Variants in SLCO3A1 observed in about 807,000 individuals in gnomAD.
SLCO3A1 encodes solute carrier organic anion transporter family member 3A1, also known as PGE1 transporter.
In SLCO3A1, 27 loss-of-function variants were observed where a neutral mutation model predicts 63.1. The observed-to-expected ratio is 0.43, with a 90% confidence interval of 0.32 to 0.59. The LOEUF is 0.59. Among genes scored for constraint, SLCO3A1 ranks in the 20% least tolerant of loss-of-function variants. The probability of loss-of-function intolerance (pLI) is 0.09; values close to 1 mark genes in which losing one functional copy is unlikely to be tolerated. For synonymous variants in SLCO3A1, 473 were observed against 409.9 expected (o/e 1.15, Z -1.86); for missense variants, 773 against 945.8 (o/e 0.82, Z 2.40).
At position 92,163,023 on chromosome 15, in the gene SLCO3A1, C is replaced by G; in HGVS notation, c.2021C>G (p.Thr674Ser). ...AGTGAGTTCTTTGCCTCTACTCTGA[C>G]CCTAGACAACCTGGGGAGGGACCCT... ...STSEFFASTL[T>S]LDNLGRDPVP... Residue 674 changes from threonine (T) to serine (S), a missense_variant, in exon 10 of 10, where the codon ACC (threonine) becomes AGC (serine). Around this residue, in one of 3 missense-constraint regions of SLCO3A1, gnomAD observed 139 missense variants for 131.4 expected, o/e 1.06. Transcript: ENST00000318445. The G allele has an allele frequency of 6.2e-7, 1 of 1,606,178 alleles. No individual in the cohort carries two copies. Among genetic ancestry groups the G allele is most frequent in the Non-Finnish European group, 8.5e-7 (1 of 1,175,596 alleles).
chr15:92,167,568 A>G (rs1050995892), downstream of SLCO3A1, among the ~76,000 whole-genome samples: 1 of 152,188 alleles, frequency 6.6e-6, no homozygotes, highest in Non-Finnish European at 1.5e-5. Context: ...CTTACAGTAA[A>G]CCACCCTAAG....
At chr15:91,858,894 A>G (rs186432939) in intron 1 of SLCO3A1, among the ~76,000 whole-genome samples, 5 of 152,366 alleles carry the variant, frequency 3.3e-5, no homozygotes, top group African/African-American at 1.2e-4. Flanking sequence ...TATTGCAAAA[A>G]TGATGAGGAT....
chr15:92,151,244 T>G (rs2048301874), intron 9 of SLCO3A1: 1 of 445,874 alleles, frequency 2.2e-6, no homozygotes, highest in African/African-American at 2.0e-5. Flanking sequence ...CACGCCACCG[T>G]GAATTCTCAT....
chr15:91,931,527 A>G (rs1238674094), intron 2 of SLCO3A1, among the ~76,000 whole-genome samples: 18 of 151,012 alleles, frequency 1.2e-4, no homozygotes, highest in Non-Finnish European at 1.5e-4. Context: ...CTGGAGTGCA[A>G]TGGTGCGATC....
In SLCO3A1 at chr15:92,160,078, G is replaced by A. The variant is rs79922395; in HGVS notation, c.1754-2678G>A. 6.7e-3 allele frequency among the ~76,000 whole-genome samples: 1,025 copies of A among 152,082 alleles called. 7 individuals carry two copies. The highest frequency in any genetic ancestry group is 0.023 in the African/African-American group (948 of 41,464). ...GTGTCCTCTCTAACCTTGGCTCCCC[G>A]TCACCAGGTGTTGGGTGGCTAGAAC... On this transcript the variant is annotated intron_variant, in intron 9 of 9. Transcript: ENST00000318445.
intron 2 of SLCO3A1, among the ~76,000 whole-genome samples, chr15:92,076,862 G>T (rs1474346609): frequency 6.6e-6 from 1 of 152,208 alleles, no homozygotes; most frequent in Non-Finnish European, 1.5e-5. Context: ...ACCGAGTCAA[G>T]TACGGACTGT....
At chr15:92,126,916 C>T (rs2047931299) in intron 6 of SLCO3A1, among the ~76,000 whole-genome samples, 1 of 152,196 alleles carries the variant, frequency 6.6e-6, no homozygotes, top group African/African-American at 2.4e-5. Context: ...CAGCCTGGAG[C>T]ATCGAGGCTG....
intron 7 of SLCO3A1, among the ~76,000 whole-genome samples, chr15:92,133,646 C>A (rs1050630990): frequency 6.9e-6 from 1 of 145,314 alleles, no homozygotes; most frequent in African/African-American, 2.5e-5. Context: ...GTGCGTGTGC[C>A]TTAGGGGAAT....
chr15:91,926,596 T>TGTGTGTGTGTGTGTGTGTGCGCGCGC, intron 2 of SLCO3A1, among the ~76,000 whole-genome samples: 29 of 105,308 alleles, frequency 2.8e-4, no homozygotes, highest in African/African-American at 9.9e-4. Context: ...TGTGTGTGTG[T>TGTGTGTGTGTGTGTGTGTGCGCGCGC]GCGCGCGCGC....
chr15:91,885,470 CA>C lies in SLCO3A1; in HGVS notation c.181-30520del, dbSNP rs1897699476. On this transcript the variant is annotated intron_variant, in intron 1 of 9. Coordinates refer to ENST00000318445, the MANE Select transcript of SLCO3A1 (RefSeq NM_013272.4). This position sits in a 1 kb window ranked among gnomAD's most constrained non-coding sequence, Gnocchi z 4.7. ...GCAGATGCCTCTTTGTTCCAGCAGC[CA>C]AACTCCAGCATGTCACAAATCATAC... is the stretch of plus-strand genomic sequence containing the variant. 6.6e-6 allele frequency among the ~76,000 whole-genome samples: 1 copy of C among 152,220 alleles called. No individual in the cohort carries two copies.
intron 1 of SLCO3A1, among the ~76,000 whole-genome samples, chr15:91,908,182 C>CA (rs1898372228): frequency 6.6e-6 from 1 of 152,086 alleles, no homozygotes. Flanking sequence ...CTCAAAATCT[C>CA]ACACATTTTC....
Position 92,163,024 on chromosome 15 carries a change from C to A in SLCO3A1, c.2022C>A (p.Thr674=), listed in dbSNP as rs776152530. The change falls in exon 10 of 10, where the codon ACC becomes ACA. Residue 674 remains threonine, a synonymous_variant. Transcript: ENST00000318445. ...STSEFFASTL[T]LDNLGRDPVP... is the part of the protein sequence containing the mutation. The stretch of plus-strand genomic sequence containing the variant: ...GTGAGTTCTTTGCCTCTACTCTGAC[C>A]CTAGACAACCTGGGGAGGGACCCTG... The A allele has an allele frequency of 6.8e-6, 11 of 1,605,976 alleles. No homozygotes were observed. The highest frequency in any genetic ancestry group is 9.4e-6 in the Non-Finnish European group (11 of 1,175,406).
In SLCO3A1 at chr15:92,130,678, C is replaced by T. The variant is rs569940585; in HGVS notation, c.1512+2189C>T. Among the ~76,000 whole-genome samples, 6 of 152,240 alleles carry T rather than the reference C, an allele frequency of 3.9e-5. No individual in the cohort carries two copies. The South Asian group carries it at 8.3e-4, about 21-fold the overall frequency. On this transcript the variant is annotated intron_variant, in intron 7 of 9. Coordinates refer to ENST00000318445, the MANE Select transcript of SLCO3A1 (RefSeq NM_013272.4). ...TTAAGGTCCAGGTAATGGGGCCTTC[C>T]GTGTGTCACTCGTGACCCATGGCAG...
chr15:91,958,710 A>G (rs964994499), intron 2 of SLCO3A1, among the ~76,000 whole-genome samples: 3 of 152,212 alleles, frequency 2.0e-5, no homozygotes, highest in Non-Finnish European at 4.4e-5. Context: ...TAAAACCACA[A>G]TGATATAGAT....
chr15:91,892,869 G>C (rs1205431294), intron 1 of SLCO3A1, among the ~76,000 whole-genome samples: 1 of 152,120 alleles, frequency 6.6e-6, no homozygotes, highest in East Asian at 1.9e-4. Context: ...CTTTAACATA[G>C]CTAATGTCAC....
At chr15:91,873,118 TGTTCAACAAG>T (rs746435349) in intron 1 of SLCO3A1, among the ~76,000 whole-genome samples, 8 of 152,348 alleles carry the variant, frequency 5.3e-5, no homozygotes, top group Admixed American at 1.3e-4. Context: ...AGTGTTTACT[TGTTCAACAAG>T]CGATCATTTT....
At chr15:92,005,722 G>A (rs773888111) in intron 2 of SLCO3A1, among the ~76,000 whole-genome samples, 36 of 152,272 alleles carry the variant, frequency 2.4e-4, no homozygotes, top group East Asian at 5.8e-4. Context: ...GCACACCTAC[G>A]CTAGCTCACT....
chr15:92,018,110 G>A (rs2046462321), intron 2 of SLCO3A1, among the ~76,000 whole-genome samples: 1 of 152,214 alleles, frequency 6.6e-6, no homozygotes, highest in Admixed American at 6.5e-5. Context: ...CGAGTACAAG[G>A]GACTGAGATG....
At chr15:91,933,946 G>A (rs1196446695) in intron 2 of SLCO3A1, among the ~76,000 whole-genome samples, 1 of 152,132 alleles carries the variant, frequency 6.6e-6, no homozygotes, top group Non-Finnish European at 1.5e-5. Flanking sequence ...ATACTCACGT[G>A]CCCTGTCCCC....
Sources: allele counts gnomAD v4.1 joint callset (sites outside exome capture counted in the v4.1 genomes callset), GRCh38; gene constraint gnomAD v4.1.1; regional missense constraint gnomAD v4.1.1; non-coding constraint Gnocchi (gnomAD v3.1); transcripts MANE v1.5; gene names NCBI Gene and HGNC (gene_info 2026-07-23, HGNC 2026-07-21).